NBAS: variants seen among roughly 807,000 people sequenced by gnomAD.
The protein encoded by NBAS is NAG/BC035112 fusion.
A neutral mutation model predicts 302.5 loss-of-function variants in NBAS; 219 were observed. The observed-to-expected ratio is 0.72, with a 90% CI of 0.65 to 0.81. The LOEUF (loss-of-function observed/expected upper bound fraction) is 0.81, where lower values mean the gene tolerates loss of function less well. Ranked by LOEUF, NBAS falls within the 30% of genes least tolerant of loss-of-function variation. NBAS has a pLI of 0.00. For synonymous variants in NBAS, 1,118 were observed against 1,021.6 expected, an observed-to-expected ratio of 1.09 and a Z score of -1.80; for missense variants, 2,932 against 2,841.6, an observed-to-expected ratio of 1.03 and a Z score of -0.72.
At chr2:15,442,830 G>T (rs984254110) in intron 21 of NBAS, among the ~76,000 whole-genome samples, 5 of 151,516 alleles carry the variant, frequency 3.3e-5, no homozygotes, top group Middle Eastern at 6.8e-3. Context: ...TATCACCACC[G>T]ATCCCACAGA....
At chr2:15,123,889 C>T in the NBAS span, among the ~76,000 whole-genome samples, 1 of 152,172 alleles carries the variant, frequency 6.6e-6, no homozygotes, top group Non-Finnish European at 1.5e-5. Flanking sequence ...TAGGGCATTG[C>T]TGTAAAGACA....
At chr2:15,033,187 C>G in the NBAS span, among the ~76,000 whole-genome samples, 52 of 152,332 alleles carry the variant, frequency 3.4e-4, no homozygotes, top group African/African-American at 1.2e-3. Context: ...GCTGTTTGCC[C>G]TGTTAGGTTT....
At chr2:15,128,626 T>G in the NBAS span, among the ~76,000 whole-genome samples, 3 of 152,136 alleles carry the variant, frequency 2.0e-5, no homozygotes, top group African/African-American at 7.2e-5. Flanking sequence ...ATCCAGGGTG[T>G]GCAATGGCAT....
chr2:15,357,528 T>C (rs1189413652), intron 32 of NBAS, among the ~76,000 whole-genome samples: 1 of 152,168 alleles, frequency 6.6e-6, no homozygotes, highest in Non-Finnish European at 1.5e-5. Context: ...CGCTTACAAT[T>C]TTTTGTTTAT....
At chr2:14,891,510 T>C in the NBAS span, among the ~76,000 whole-genome samples, 1 of 152,168 alleles carries the variant, frequency 6.6e-6, no homozygotes, top group East Asian at 1.9e-4. Context: ...ACTTATTTAT[T>C]ATAATCACTC....
chr2:14,964,791 TA>T, the NBAS span, among the ~76,000 whole-genome samples: 2 of 152,062 alleles, frequency 1.3e-5, no homozygotes, highest in Admixed American at 6.6e-5. Flanking sequence ...TTTTGAGCCA[TA>T]AAAAAACTCA....
At chr2:14,811,716 G>C in the NBAS span, among the ~76,000 whole-genome samples, 1 of 152,138 alleles carries the variant, frequency 6.6e-6, no homozygotes, top group African/African-American at 2.4e-5. Context: ...AAGAAAGTAA[G>C]GTGGCTGTTG....
At chr2:15,258,335 G>A (rs778155084) in intron 44 of NBAS, among the ~76,000 whole-genome samples, 2 of 152,084 alleles carry the variant, frequency 1.3e-5, no homozygotes, top group South Asian at 2.1e-4. Context: ...GAATAATAGC[G>A]ATTTTAGGGA....
At chr2:15,521,926 T>C (rs1480545409) in intron 9 of NBAS, among the ~76,000 whole-genome samples, 1 of 152,222 alleles carries the variant, frequency 6.6e-6, no homozygotes, top group Non-Finnish European at 1.5e-5. Flanking sequence ...AGAGACCATA[T>C]GGCCTGCACA....
At chr2:15,113,878 T>C in the NBAS span, among the ~76,000 whole-genome samples, 1 of 152,142 alleles carries the variant, frequency 6.6e-6, no homozygotes, top group Admixed American at 6.6e-5. Flanking sequence ...ACCACCATTT[T>C]ATAATCTGTA....
chr2:14,927,486 A>G, the NBAS span, among the ~76,000 whole-genome samples: 1 of 152,176 alleles, frequency 6.6e-6, no homozygotes, highest in African/African-American at 2.4e-5. Context: ...GCTATCTTCC[A>G]TTGTTGGCTA....
chr2:15,019,797 T>A, the NBAS span, among the ~76,000 whole-genome samples: 3 of 152,040 alleles, frequency 2.0e-5, no homozygotes, highest in Non-Finnish European at 4.4e-5. Flanking sequence ...CCTTCCACCA[T>A]ATGATGATAG....
intron 31 of NBAS, among the ~76,000 whole-genome samples, chr2:15,372,867 A>G (rs1674555480): frequency 6.6e-6 from 1 of 152,198 alleles, no homozygotes; most frequent in African/African-American, 2.4e-5. Context: ...GCTTAATGTA[A>G]CATTTCAAAA....
At chr2:14,872,014 T>C in the NBAS span, among the ~76,000 whole-genome samples, 452 of 152,246 alleles carry the variant, frequency 3.0e-3, 3 homozygotes, top group Middle Eastern at 0.017. Flanking sequence ...CACACATGTA[T>C]AGATACTCAC....
At chr2:15,126,651 T>C in the NBAS span, among the ~76,000 whole-genome samples, 4 of 152,160 alleles carry the variant, frequency 2.6e-5, no homozygotes, top group East Asian at 7.7e-4. Context: ...ATTATTTCTC[T>C]GTCAGCAGCA....
chr2:15,301,484 T>G (rs953387999), intron 40 of NBAS, among the ~76,000 whole-genome samples: 1 of 151,350 alleles, frequency 6.6e-6, no homozygotes, highest in African/African-American at 2.4e-5. Context: ...GGGGGAAGAG[T>G]TTCTCCCCAC....
At chr2:15,367,833 T>C (rs112492551) in intron 31 of NBAS, among the ~76,000 whole-genome samples, 51 of 152,164 alleles carry the variant, frequency 3.4e-4, no homozygotes, top group Admixed American at 4.6e-4. Context: ...TCAAAAAAGG[T>C]TGCAAGGAAA....
chr2:15,286,941 C>T, intron 42 of NBAS, 132 bp downstream of exon 42: 1 of 697,894 alleles, frequency 1.4e-6, no homozygotes, highest in African/African-American at 1.8e-5. Flanking sequence ...AAGGAAAGAA[C>T]TTACCAAGAC....
intron 21 of NBAS, among the ~76,000 whole-genome samples, chr2:15,448,039 T>C (rs984896247): frequency 7.9e-5 from 12 of 152,278 alleles, no homozygotes; most frequent in African/African-American, 2.9e-4. Flanking sequence ...CTCAAGCCTT[T>C]ATAAGGGTGC....
Sources: allele counts gnomAD v4.1 joint callset (sites outside exome capture counted in the v4.1 genomes callset), GRCh38; gene constraint gnomAD v4.1.1; transcripts MANE v1.5; gene names NCBI Gene and HGNC (gene_info 2026-07-23, HGNC 2026-07-21).